Variants in PDE8B observed in about 807,000 individuals in gnomAD.
The protein encoded by PDE8B is phosphodiesterase 8B.
Under a neutral mutation model 101.3 loss-of-function variants are expected in PDE8B, and 26 were observed. That is an observed-to-expected ratio of 0.26 (90% CI 0.19 to 0.36). The LOEUF (loss-of-function observed/expected upper bound fraction) is 0.36. Ranked by LOEUF, PDE8B falls within the 10% of genes least tolerant of loss-of-function variation. The pLI, the probability that PDE8B is intolerant of heterozygous loss-of-function variation, is 1.00. For synonymous variants in PDE8B, 424 were observed against 429.3 expected (o/e 0.99, Z 0.15); for missense variants, 810 against 1,163.1 (o/e 0.70, Z 4.42).
chr5:77,144,360 TGTTTTCAAA>T, the PDE8B span: 24,558 of 151,970 alleles, frequency 0.16, 4,014 homozygotes, highest in African/African-American at 0.42. Flanking sequence ...GACAAGAAGC[TGTTTTCAAA>T]GTTTTCAAAG....
At chr5:77,100,955 AT>A in the PDE8B span, among the ~76,000 whole-genome samples, 7 of 143,506 alleles carry the variant, frequency 4.9e-5, no homozygotes, top group East Asian at 4.1e-4. Context: ...TCATCTAAAA[AT>A]TTTTTTTCCT....
chr5:77,296,537 C>A (rs1768617561), intron 1 of PDE8B, among the ~76,000 whole-genome samples: 1 of 152,112 alleles, frequency 6.6e-6, no homozygotes, highest in Non-Finnish European at 1.5e-5. Context: ...CGCTCCCAGC[C>A]CACATGTCTT....
chr5:77,312,705 G>A (rs561982376), intron 2 of PDE8B, among the ~76,000 whole-genome samples: 86 of 152,316 alleles, frequency 5.6e-4, no homozygotes, highest in African/African-American at 2.0e-3. Context: ...ATTATGCCTC[G>A]GGAAATTGTA....
Position 77,422,083 on chromosome 5 carries a change from A to C in PDE8B, c.2418+95A>C. The C allele has an allele frequency of 2.3e-6, 3 of 1,313,762 alleles. No homozygotes were observed. The South Asian group carries it at 3.8e-5, about 17-fold the overall frequency. 81.4% of individuals were successfully genotyped at this position (1,313,762 alleles called of 1,614,324 possible). On this transcript the variant is annotated intron_variant, in intron 20 of 21. Coordinates refer to ENST00000264917, the MANE Select transcript of PDE8B (RefSeq NM_003719.5). ...GGATTCTCCAGCTGAGTAACTTTTT[A>C]CCAATTAGTTAACCACTCCTCCCTG...
chr5:77,260,229 A>G (rs1394688512), intron 1 of PDE8B, among the ~76,000 whole-genome samples: 1 of 152,126 alleles, frequency 6.6e-6, no homozygotes, highest in East Asian at 1.9e-4. Flanking sequence ...TACTGATGAA[A>G]TAAAAAACAC....
At chr5:77,124,135 C>A in the PDE8B span, among the ~76,000 whole-genome samples, 1 of 152,068 alleles carries the variant, frequency 6.6e-6, no homozygotes, top group Non-Finnish European at 1.5e-5. Context: ...CAGCACCCAA[C>A]AATGTAAACT....
intron 1 of PDE8B, among the ~76,000 whole-genome samples, chr5:77,232,040 A>G (rs958808147): frequency 6.6e-6 from 1 of 152,238 alleles, no homozygotes; most frequent in African/African-American, 2.4e-5. Context: ...GTGGATGGGC[A>G]TAGTGGTTTT....
chr5:77,177,949 A>T, the PDE8B span, among the ~76,000 whole-genome samples: 30 of 152,364 alleles, frequency 2.0e-4, no homozygotes, highest in East Asian at 5.8e-3. Context: ...GCAGAAACTT[A>T]AACTGTGGAT....
intron 1 of PDE8B, among the ~76,000 whole-genome samples, chr5:77,254,138 G>T (rs1260513225): frequency 6.6e-6 from 1 of 151,894 alleles, no homozygotes; most frequent in Non-Finnish European, 1.5e-5. Flanking sequence ...ATCCATTGTG[G>T]ATCACAGATA....
intron 9 of PDE8B, among the ~76,000 whole-genome samples, chr5:77,352,732 TA>T (rs1295929492): frequency 6.6e-6 from 1 of 152,194 alleles, no homozygotes; most frequent in African/African-American, 2.4e-5. Context: ...TTACTCTCAG[TA>T]AAATATTGAC....
At chr5:77,091,352 A>G in the PDE8B span, among the ~76,000 whole-genome samples, 1 of 152,196 alleles carries the variant, frequency 6.6e-6, no homozygotes, top group Non-Finnish European at 1.5e-5. Context: ...AGTAACTAGT[A>G]TAAATGGCCA....
the PDE8B span, among the ~76,000 whole-genome samples, chr5:77,129,225 T>G: frequency 6.6e-6 from 1 of 152,236 alleles, no homozygotes; most frequent in South Asian, 2.1e-4. Context: ...ACTGTCATCA[T>G]GGGTCTCTAG....
chr5:77,209,555 G>T (rs1464254771), upstream of PDE8B, among the ~76,000 whole-genome samples: 17 of 152,172 alleles, frequency 1.1e-4, no homozygotes, highest in Non-Finnish European at 2.1e-4. Flanking sequence ...GACTGAATGG[G>T]CAGTGGTGTC....
intron 10 of PDE8B, among the ~76,000 whole-genome samples, chr5:77,380,453 G>T (rs945794765): frequency 6.6e-6 from 1 of 152,138 alleles, no homozygotes; most frequent in African/African-American, 2.4e-5. Flanking sequence ...GTCAGATTTG[G>T]CACTATCTGA....
intron 2 of PDE8B, among the ~76,000 whole-genome samples, chr5:77,324,546 T>C (rs1369659328): frequency 6.6e-6 from 1 of 152,226 alleles, no homozygotes; most frequent in Non-Finnish European, 1.5e-5. Context: ...AAAGTATTGC[T>C]ACCTTCTTTT....
intron 1 of PDE8B, among the ~76,000 whole-genome samples, chr5:77,266,708 T>G (rs1480484899): frequency 6.6e-6 from 1 of 152,206 alleles, no homozygotes; most frequent in African/African-American, 2.4e-5. Context: ...ATTCAATATT[T>G]ATGAATTCAG....
intron 9 of PDE8B, among the ~76,000 whole-genome samples, chr5:77,352,076 G>T (rs974074921): frequency 6.6e-6 from 1 of 152,150 alleles, no homozygotes; most frequent in African/African-American, 2.4e-5. Flanking sequence ...ATACCACCTG[G>T]TATTTCATGC....
the PDE8B span, among the ~76,000 whole-genome samples, chr5:77,137,024 T>A: frequency 6.6e-6 from 1 of 152,152 alleles, no homozygotes; most frequent in Middle Eastern, 3.2e-3. Context: ...ACAAAATCAG[T>A]TTGCTTCTTG....
the PDE8B span, among the ~76,000 whole-genome samples, chr5:77,196,955 C>T: frequency 0.11 from 16,241 of 152,012 alleles, 2,149 homozygotes; most frequent in African/African-American, 0.31. Context: ...TCTATCTAAA[C>T]TGTGAATCTG....
Sources: allele counts gnomAD v4.1 joint callset (sites outside exome capture counted in the v4.1 genomes callset), GRCh38; gene constraint gnomAD v4.1.1; transcripts MANE v1.5; gene names NCBI Gene and HGNC (gene_info 2026-07-23, HGNC 2026-07-21).